ZFYVE28: variants seen among roughly 807,000 people sequenced by gnomAD.
ZFYVE28 encodes the protein lateral signaling target protein 2 homolog.
ZFYVE28 carries 40 observed loss-of-function variants against 82.1 expected under a neutral mutation model. That is an observed-to-expected ratio of 0.49 (90% CI 0.38 to 0.63). The LOEUF (loss-of-function observed/expected upper bound fraction) is 0.63, where lower values mean the gene tolerates loss of function less well. Ranked by LOEUF, ZFYVE28 falls within the 30% of genes least tolerant of loss-of-function variation. The pLI is 0.00. For synonymous variants in ZFYVE28, 612 were observed against 546.1 expected, an observed-to-expected ratio of 1.12 and a Z score of -1.68; for missense variants, 1,321 against 1,242.1, an observed-to-expected ratio of 1.06 and a Z score of -0.96.
intron 1 of ZFYVE28, among the ~76,000 whole-genome samples, chr4:2,370,423 C>G (rs1436010988): frequency 1.3e-5 from 2 of 152,168 alleles, no homozygotes; most frequent in Non-Finnish European, 2.9e-5. Context: ...ATGGGGTGCC[C>G]TGGGCCCACA....
chr4:2,287,949 C>G (rs1713014321), intron 8 of ZFYVE28, among the ~76,000 whole-genome samples: 1 of 152,206 alleles, frequency 6.6e-6, no homozygotes, highest in African/African-American at 2.4e-5. Context: ...AATTTAGCAG[C>G]ATTGCCTTGA....
intron 1 of ZFYVE28, among the ~76,000 whole-genome samples, chr4:2,357,707 C>A (rs146273712): frequency 6.6e-6 from 1 of 152,122 alleles, no homozygotes; most frequent in African/African-American, 2.4e-5. Context: ...AGCTCGCTGA[C>A]GAGACACCAT....
chr4:2,283,220 C>G (rs1370975670), intron 8 of ZFYVE28, among the ~76,000 whole-genome samples: 1 of 151,464 alleles, frequency 6.6e-6, no homozygotes. Flanking sequence ...ATCCATCCAT[C>G]CACCCAACTA....
At chr4:2,328,826 T>C (rs2108844858) in intron 6 of ZFYVE28, 1 of 314,908 alleles carries the variant, frequency 3.2e-6, no homozygotes, top group Non-Finnish European at 5.8e-6. Flanking sequence ...TTTTTCCAAC[T>C]TTGTTCTTTT....
intron 1 of ZFYVE28, among the ~76,000 whole-genome samples, chr4:2,373,211 G>C (rs1023801941): frequency 6.6e-6 from 1 of 152,198 alleles, no homozygotes; most frequent in Non-Finnish European, 1.5e-5. Flanking sequence ...ATTATAAAAA[G>C]TATGAGCTGG....
chr4:2,305,618 G>A, intron 7 of ZFYVE28, 82 bp from the exon 8 acceptor site: 3 of 1,535,174 alleles, frequency 2.0e-6, no homozygotes, highest in South Asian at 1.2e-5. Context: ...GCAGCACCCT[G>A]GAGTCTGCAC....
intron 1 of ZFYVE28, among the ~76,000 whole-genome samples, chr4:2,385,567 TG>T (rs1729171312): frequency 6.6e-6 from 1 of 152,208 alleles, no homozygotes; most frequent in African/African-American, 2.4e-5. Flanking sequence ...CCTACATGGT[TG>T]CCTACATGGC....
In ZFYVE28 at chr4:2,304,318, G is replaced by C. The variant is rs112076615; in HGVS notation, c.2022C>G (p.His674Gln). ...AGCCCGACAGGGCCTGAGGCGCCTC[G>C]TGAGCCGAGGGGCTCCCAGCATGCA... ...RELHAGSPSA[H>Q]EAPQALSGSS... Residue 674 changes from histidine to glutamine, a missense_variant, in exon 8 of 13, where the codon CAC (histidine) becomes CAG (glutamine). Coordinates refer to ENST00000290974, the MANE Select transcript of ZFYVE28 (RefSeq NM_020972.3). 6.3e-7 allele frequency: 1 copy of C among 1,597,702 alleles called. No homozygotes were observed. The highest frequency in any genetic ancestry group is 8.5e-7 in the Non-Finnish European group (1 of 1,176,660).
At position 2,375,877 on chromosome 4, in the gene ZFYVE28, A is replaced by ATT. The variant is rs58441543; in HGVS notation, c.40-21806_40-21805dup. 2.1e-3 allele frequency among the ~76,000 whole-genome samples: 305 copies of ATT among 147,652 alleles called. 1 individual carries two copies. Among genetic ancestry groups the ATT allele is most frequent in the East Asian group, 9.5e-3 (47 of 4,966 alleles). ...GTTAAAACAATATTCTGGTCAAATA[A>ATT]TTTTTTTTTTTTTGAGATGGAGTTT... On this transcript the variant is annotated intron_variant, in intron 1 of 12. Coordinates refer to ENST00000290974, the MANE Select transcript of ZFYVE28 (RefSeq NM_020972.3).
At chr4:2,315,872 C>T (rs548964758) in intron 7 of ZFYVE28, among the ~76,000 whole-genome samples, 101 of 143,652 alleles carry the variant, frequency 7.0e-4, no homozygotes, top group African/African-American at 2.5e-3. Flanking sequence ...TCTGCCCCTT[C>T]TCTCTTTTCT....
intron 6 of ZFYVE28, chr4:2,330,850 G>C: frequency 6.5e-7 from 1 of 1,535,402 alleles, no homozygotes; most frequent in East Asian, 2.4e-5. Flanking sequence ...GTGGGGACTG[G>C]GGAGAGAGGA....
chr4:2,305,479 G>A lies in ZFYVE28; in HGVS notation c.861C>T (p.Cys287=), dbSNP rs758570329. 1.2e-6 allele frequency: 2 copies of A among 1,612,992 alleles called. No individual in the cohort carries two copies. The highest frequency in any genetic ancestry group is 1.7e-5 in the Admixed American group (1 of 60,024). ...TGGGGAACTCCACGTCTTGGGAAATGCAGAGGTTCCGTTCCAGCGTGTGCA... is the reference window on the plus strand; with the variant it reads ...TGGGGAACTCCACGTCTTGGGAAATACAGAGGTTCCGTTCCAGCGTGTGCA... The part of the protein sequence containing the change: ...EELHTLERNL[C]ISQDVEFPIR... The change falls in exon 8 of 13, where the codon TGC becomes TGT. Residue 287 remains cysteine, a synonymous_variant. Coordinates refer to ENST00000290974, the MANE Select transcript of ZFYVE28 (RefSeq NM_020972.3).
chr4:2,274,026 C>A, intron 9 of ZFYVE28, 36 bp downstream of exon 9: 1 of 1,608,468 alleles, frequency 6.2e-7, no homozygotes, highest in Non-Finnish European at 8.5e-7. Flanking sequence ...CGTGTGTCCT[C>A]AAGCCATGCA....
intron 7 of ZFYVE28, 50 bp from the exon 8 acceptor site, chr4:2,305,586 G>A: frequency 6.2e-7 from 1 of 1,607,218 alleles, no homozygotes; most frequent in Non-Finnish European, 8.5e-7. Context: ...AGCCACACCA[G>A]CCTCCTTGGC....
chr4:2,277,095 CT>C (rs2108800636), intron 8 of ZFYVE28, among the ~76,000 whole-genome samples: 1 of 152,292 alleles, frequency 6.6e-6, no homozygotes, highest in Admixed American at 6.5e-5. Context: ...ACACAGAAGG[CT>C]CAGGGGTATT....
At chr4:2,301,892 A>G (rs1304944804) in intron 8 of ZFYVE28, among the ~76,000 whole-genome samples, 1 of 152,122 alleles carries the variant, frequency 6.6e-6, no homozygotes, top group Admixed American at 6.5e-5. Context: ...CACCCAAAAG[A>G]AAGAGGAGAG....
At chr4:2,303,778 C>T (rs1210813194) in intron 8 of ZFYVE28, among the ~76,000 whole-genome samples, 3 of 152,206 alleles carry the variant, frequency 2.0e-5, no homozygotes, top group Admixed American at 6.5e-5. Flanking sequence ...CCCCTCATGG[C>T]CCCAGTCTCC....
intron 1 of ZFYVE28, among the ~76,000 whole-genome samples, chr4:2,386,498 G>A (rs898686248): frequency 1.3e-5 from 2 of 152,192 alleles, no homozygotes; most frequent in South Asian, 2.1e-4. Flanking sequence ...ACAAAAAGAG[G>A]TGGGGCCTTT....
In ZFYVE28 at chr4:2,353,960, C is replaced by T. The variant is rs1179486368; in HGVS notation, c.153G>A (p.Leu51=). 1 of 1,563,768 alleles carries T rather than the reference C, an allele frequency of 6.4e-7. No homozygotes were observed. Among genetic ancestry groups the T allele is most frequent in the Admixed American group, 1.9e-5 (1 of 53,804 alleles). The stretch of plus-strand genomic sequence containing the variant: ...GACAGGAGCGGAACTGGCTGACCAG[C>T]AGCGTGCACCGCTGGGGGTCCTTCC... ...DGRKDPQRCT[L]LVSQFRSCQD... The change falls in exon 2 of 13, where the codon CTG becomes CTA. Residue 51 remains leucine (L), a synonymous_variant. Coordinates refer to ENST00000290974, the MANE Select transcript of ZFYVE28 (RefSeq NM_020972.3).
Sources: allele counts gnomAD v4.1 joint callset (sites outside exome capture counted in the v4.1 genomes callset), GRCh38; gene constraint gnomAD v4.1.1; transcripts MANE v1.5; gene names NCBI Gene and HGNC (gene_info 2026-07-23, HGNC 2026-07-21).